SCHIP1: variants seen among roughly 807,000 people sequenced by gnomAD.
SCHIP1 encodes schwannomin interacting protein 1.
A neutral mutation model predicts 29.7 loss-of-function variants in SCHIP1; 8 were observed. The observed-to-expected ratio is 0.27, with a 90% CI of 0.16 to 0.49. SCHIP1 has a LOEUF of 0.49. SCHIP1 is among the 20% of genes least tolerant of loss of function. The pLI is 0.99. For synonymous variants in SCHIP1, 76 were observed against 94.9 expected, an observed-to-expected ratio of 0.80 and a Z score of 1.16; for missense variants, 193 against 294.6, an observed-to-expected ratio of 0.66 and a Z score of 2.52.
chr3:159,554,008 G>GTT, the SCHIP1 span, among the ~76,000 whole-genome samples: 2 of 120,128 alleles, frequency 1.7e-5, no homozygotes, highest in Non-Finnish European at 3.2e-5. Flanking sequence ...GTGTGTGTGT[G>GTT]TGTGTGTGTG....
the SCHIP1 span, among the ~76,000 whole-genome samples, chr3:159,686,480 C>T: frequency 6.6e-5 from 10 of 152,174 alleles, no homozygotes; most frequent in East Asian, 1.9e-3. Context: ...AAACAAGGCA[C>T]CATGAGCAAG....
At chr3:159,776,645 T>C in the SCHIP1 span, among the ~76,000 whole-genome samples, 14 of 152,336 alleles carry the variant, frequency 9.2e-5, no homozygotes, top group African/African-American at 3.4e-4. Context: ...TAAAACATTT[T>C]GAATACCTGC....
At chr3:159,568,742 G>A in the SCHIP1 span, among the ~76,000 whole-genome samples, 1 of 152,040 alleles carries the variant, frequency 6.6e-6, no homozygotes, top group Non-Finnish European at 1.5e-5. Flanking sequence ...GATCAAGGCT[G>A]TTAATTATGT....
chr3:159,634,945 T>C, the SCHIP1 span, among the ~76,000 whole-genome samples: 2 of 152,142 alleles, frequency 1.3e-5, no homozygotes, highest in African/African-American at 2.4e-5. Flanking sequence ...TAAACTTCCA[T>C]GCCTGTGTTT....
the SCHIP1 span, among the ~76,000 whole-genome samples, chr3:159,442,627 C>T: frequency 6.6e-6 from 1 of 152,180 alleles, no homozygotes; most frequent in Non-Finnish European, 1.5e-5. Flanking sequence ...TAGAAACTAT[C>T]TACACTTTCA....
the SCHIP1 span, among the ~76,000 whole-genome samples, chr3:159,428,198 A>G: frequency 6.6e-6 from 1 of 152,120 alleles, no homozygotes; most frequent in African/African-American, 2.4e-5. Flanking sequence ...GACAAATGGG[A>G]TCTAATTAAA....
At chr3:159,403,870 C>A in the SCHIP1 span, among the ~76,000 whole-genome samples, 2 of 152,152 alleles carry the variant, frequency 1.3e-5, no homozygotes, top group African/African-American at 4.8e-5. Flanking sequence ...AGGAGAAACT[C>A]CTTCCTTTAG....
the SCHIP1 span, among the ~76,000 whole-genome samples, chr3:159,756,132 G>C: frequency 2.6e-5 from 4 of 152,214 alleles, no homozygotes; most frequent in African/African-American, 9.7e-5. Context: ...CTCAGTAGGG[G>C]CTCTGTTTGG....
At chr3:159,350,161 A>C in the SCHIP1 span, among the ~76,000 whole-genome samples, 1 of 152,128 alleles carries the variant, frequency 6.6e-6, no homozygotes, top group African/African-American at 2.4e-5. Context: ...ATATTATTGT[A>C]TTTAATATCA....
At chr3:159,515,723 T>A in the SCHIP1 span, among the ~76,000 whole-genome samples, 1 of 152,178 alleles carries the variant, frequency 6.6e-6, no homozygotes, top group African/African-American at 2.4e-5. Flanking sequence ...TCACTCCTCA[T>A]AAAGCTCTTG....
the SCHIP1 span, among the ~76,000 whole-genome samples, chr3:159,624,803 A>G: frequency 1.3e-5 from 2 of 152,118 alleles, no homozygotes; most frequent in African/African-American, 4.8e-5. Flanking sequence ...CTTCCAACGA[A>G]AAGGTTGTGA....
the SCHIP1 span, among the ~76,000 whole-genome samples, chr3:159,496,103 T>A: frequency 1.3e-5 from 2 of 152,134 alleles, no homozygotes; most frequent in African/African-American, 4.8e-5. Flanking sequence ...AAAAATTAAT[T>A]CAAGATGGAT....
the SCHIP1 span, among the ~76,000 whole-genome samples, chr3:159,384,043 G>T: frequency 6.6e-6 from 1 of 151,606 alleles, no homozygotes. Context: ...ATACAATCAT[G>T]TCATCTGCAA....
At chr3:159,438,293 G>A in the SCHIP1 span, among the ~76,000 whole-genome samples, 7 of 152,084 alleles carry the variant, frequency 4.6e-5, no homozygotes, top group Admixed American at 2.0e-4. Context: ...GACTACAGAA[G>A]CCTGGTTGAG....
the SCHIP1 span, among the ~76,000 whole-genome samples, chr3:159,308,694 C>T: frequency 0.011 from 1,654 of 152,196 alleles, 20 homozygotes; most frequent in African/African-American, 0.019. Flanking sequence ...ATCATTCTAC[C>T]GAAAAGACAT....
At chr3:159,333,476 A>T in the SCHIP1 span, among the ~76,000 whole-genome samples, 100,231 of 151,990 alleles carry the variant, frequency 0.66, 33,379 homozygotes, top group Middle Eastern at 0.68. Context: ...CATTAATCAG[A>T]GTTCAGCTAT....
the SCHIP1 span, among the ~76,000 whole-genome samples, chr3:159,750,050 GTTATCC>G: frequency 6.6e-6 from 1 of 151,772 alleles, no homozygotes; most frequent in Non-Finnish European, 1.5e-5. Flanking sequence ...TAAGTTCTTT[GTTATCC>G]TTATGGGAGT....
the SCHIP1 span, among the ~76,000 whole-genome samples, chr3:159,379,890 T>C: frequency 6.6e-6 from 1 of 152,190 alleles, no homozygotes; most frequent in Non-Finnish European, 1.5e-5. Flanking sequence ...TACCATGTAC[T>C]ATGCATGAAA....
chr3:159,755,934 G>T, the SCHIP1 span, among the ~76,000 whole-genome samples: 1 of 152,252 alleles, frequency 6.6e-6, no homozygotes, highest in Non-Finnish European at 1.5e-5. Context: ...CAAGAGGTGG[G>T]TTCCCATGGT....
Sources: gnomAD v4.1 joint callset for allele counts (sites outside exome capture counted in the v4.1 genomes callset) on GRCh38, gnomAD v4.1.1 for gene constraint, MANE v1.5 for transcripts, NCBI Gene and HGNC (gene_info 2026-07-23, HGNC 2026-07-21) for gene names.